NDE1: variants seen among roughly 807,000 people sequenced by gnomAD.
NDE1 encodes the protein nudE neurodevelopment protein 1.
Under a neutral mutation model 43.4 loss-of-function variants are expected in NDE1, and 28 were observed. The observed-to-expected ratio is 0.65, with a 90% confidence interval of 0.48 to 0.89. The LOEUF (loss-of-function observed/expected upper bound fraction) is 0.89, where lower values mean the gene tolerates loss of function less well. Ranked by LOEUF, NDE1 falls within the 40% of genes least tolerant of loss-of-function variation. The probability of loss-of-function intolerance (pLI) is 0.00; values close to 1 mark genes in which losing one functional copy is unlikely to be tolerated. For synonymous variants in NDE1, 184 were observed against 172.0 expected (o/e 1.07, Z -0.55); for missense variants, 441 against 434.1 (o/e 1.02, Z -0.14).
In NDE1 at chr16:15,726,018, A is replaced by G; in HGVS notation, c.*1767A>G. The G allele has an allele frequency of 3.8e-6, 1 of 260,298 alleles. No individual in the cohort carries two copies. The highest frequency in any genetic ancestry group is 7.2e-6 in the Non-Finnish European group (1 of 138,926). 16.1% of individuals were successfully genotyped at this position (260,298 alleles called of 1,614,324 possible). A position where few individuals can be genotyped will look rare whatever the true frequency, so the allele number is the denominator to read the frequency against. On this transcript the variant is annotated 3_prime_UTR_variant, in exon 9 of 9. Transcript: ENST00000396354. The stretch of plus-strand genomic sequence containing the variant: ...CTACTGGCTGTATGTCTCTCTCCTA[A>G]TTTTTCTACTTACCACAGGGCCTTT...
intron 8 of NDE1, among the ~76,000 whole-genome samples, chr16:15,698,187 G>A (rs1182586024): frequency 6.6e-6 from 1 of 151,966 alleles, no homozygotes; most frequent in Non-Finnish European, 1.5e-5. Flanking sequence ...CCAGCCACCC[G>A]ATGGGACAGT....
In NDE1 at chr16:15,725,157, A is replaced by G. The variant is rs2040691952; in HGVS notation, c.*906A>G. ...GATAAAAAAAAAAAAAAACACACACACACACAAAAAAAACAGAATCTGTGG... is the reference window on the plus strand; with the variant it reads ...GATAAAAAAAAAAAAAAACACACACGCACACAAAAAAAACAGAATCTGTGG... On this transcript the variant is annotated 3_prime_UTR_variant, in exon 9 of 9. Transcript: ENST00000396354. 1 of 650,242 alleles carries G rather than the reference A, an allele frequency of 1.5e-6. No homozygotes were observed. Among genetic ancestry groups the G allele is most frequent in the Non-Finnish European group, 2.7e-6 (1 of 371,286 alleles). 40.3% of individuals were successfully genotyped at this position (650,242 alleles called of 1,614,324 possible).
intron 3 of NDE1, among the ~76,000 whole-genome samples, chr16:15,671,306 C>G (rs1190389590): frequency 6.6e-6 from 1 of 151,982 alleles, no homozygotes; most frequent in Non-Finnish European, 1.5e-5. Flanking sequence ...GAGTTCAAGG[C>G]CAGCCTGGGC....
intron 3 of NDE1, among the ~76,000 whole-genome samples, chr16:15,672,206 G>A (rs1329168211): frequency 1.3e-5 from 2 of 151,984 alleles, no homozygotes; most frequent in Admixed American, 6.6e-5. Context: ...AGACCGAGGC[G>A]GGCGGATCAT....
rs138543179 is a variant in NDE1, at chr16:15,724,618, T to C, written c.*367T>C. On this transcript the variant is annotated 3_prime_UTR_variant, in exon 9 of 9. Transcript: ENST00000396354. ...AGCGCAGAGAAGTTGAGAGGACCCA[T>C]GAAGGAAGCAAGGACACGGGGCAGG... The C allele has an allele frequency of 5.0e-4, 812 of 1,613,300 alleles. 5 individuals are homozygous for C. In the African/African-American group the frequency reaches 9.4e-3, roughly 19 times the overall value.
intron 8 of NDE1, chr16:15,703,291 G>C: frequency 4.4e-6 from 1 of 227,002 alleles, no homozygotes. Flanking sequence ...CTGAGGTGTG[G>C]AAACCAGGAG....
chr16:15,704,793 C>G (rs1238148961), intron 8 of NDE1, among the ~76,000 whole-genome samples: 1 of 152,208 alleles, frequency 6.6e-6, no homozygotes, highest in African/African-American at 2.4e-5. Flanking sequence ...TGGCGTAAAA[C>G]AGGTGCCCAG....
chr16:15,699,915 G>T, intron 8 of NDE1: 1 of 1,253,166 alleles, frequency 8.0e-7, no homozygotes, highest in Non-Finnish European at 1.0e-6. Flanking sequence ...AAGTTAGTTT[G>T]AGAAATAAGA....
intron 8 of NDE1, among the ~76,000 whole-genome samples, chr16:15,723,662 A>G (rs905585363): frequency 2.0e-5 from 3 of 152,266 alleles, no homozygotes; most frequent in Admixed American, 2.0e-4. Context: ...AGTATCTGAT[A>G]AAGTTCATAT....
In NDE1 at chr16:15,714,890, C is replaced by T. The variant is rs759479052; in HGVS notation, c.948-9301C>T. ...TCTGGCCTGAGAGACGGGGTCCTCCCGGGCCACGGGCTCCTCACCTGAGCT... is the reference window on the plus strand; with the variant it reads ...TCTGGCCTGAGAGACGGGGTCCTCCTGGGCCACGGGCTCCTCACCTGAGCT... On this transcript the variant is annotated intron_variant, in intron 8 of 8. Coordinates refer to ENST00000396354, the MANE Select transcript of NDE1 (RefSeq NM_017668.3). 24 of 1,612,636 alleles carry T rather than the reference C, an allele frequency of 1.5e-5. No homozygotes were observed. The highest frequency in any genetic ancestry group is 4.4e-5 in the South Asian group (4 of 91,046).
chr16:15,707,243 G>T (rs1279515453), intron 8 of NDE1, among the ~76,000 whole-genome samples: 1 of 152,164 alleles, frequency 6.6e-6, no homozygotes, highest in African/African-American at 2.4e-5. Flanking sequence ...TACCATGTTG[G>T]CCAGGCTGGT....
intron 8 of NDE1, chr16:15,721,723 C>CTGAA (rs2151211489): frequency 7.2e-7 from 1 of 1,381,286 alleles, no homozygotes; most frequent in East Asian, 2.3e-5. Context: ...CTGTGTCCTG[C>CTGAA]TGAATGTATT....
chr16:15,715,118 C>T (rs201285650), intron 8 of NDE1: 7 of 1,519,618 alleles, frequency 4.6e-6, no homozygotes, highest in East Asian at 2.4e-5. Flanking sequence ...TAGGGGAGGC[C>T]GGCTGGGGGC....
At chr16:15,723,067 C>A (rs147679982) in intron 8 of NDE1, among the ~76,000 whole-genome samples, 2 of 152,044 alleles carry the variant, frequency 1.3e-5, no homozygotes, top group African/African-American at 2.4e-5. Context: ...TTTAGAATAA[C>A]CCTGAGTCAC....
chr16:15,646,821 C>T (rs1051002847), upstream of NDE1, among the ~76,000 whole-genome samples: 16 of 151,894 alleles, frequency 1.1e-4, no homozygotes, highest in Non-Finnish European at 2.1e-4. Context: ...GAGGCTGAGG[C>T]GGGTGGAGCA....
intron 4 of NDE1, chr16:15,686,598 A>G (rs1013840753): frequency 2.1e-6 from 2 of 960,440 alleles, no homozygotes; most frequent in African/African-American, 1.8e-5. Context: ...GGATCTCTTG[A>G]GCCCAAGAGT....
chr16:15,694,575 T>C, intron 7 of NDE1: 1 of 948,532 alleles, frequency 1.1e-6, no homozygotes, highest in Non-Finnish European at 1.3e-6. Flanking sequence ...CTTAAACTCC[T>C]GGCCTCAAGT....
intron 1 of NDE1, among the ~76,000 whole-genome samples, chr16:15,662,091 A>G (rs2037074713): frequency 6.6e-6 from 1 of 151,446 alleles, no homozygotes; most frequent in African/African-American, 2.4e-5. Flanking sequence ...GTTGCACCAC[A>G]CCAGTCTAAT....
intron 3 of NDE1, among the ~76,000 whole-genome samples, chr16:15,676,040 CAG>C (rs1188555494): frequency 6.6e-6 from 1 of 152,018 alleles, no homozygotes; most frequent in Non-Finnish European, 1.5e-5. Context: ...CAGCTGGCAA[CAG>C]GGAATCATTG....
Sources: allele counts gnomAD v4.1 joint callset (sites outside exome capture counted in the v4.1 genomes callset), GRCh38; gene constraint gnomAD v4.1.1; transcripts MANE v1.5; gene names NCBI Gene and HGNC (gene_info 2026-07-23, HGNC 2026-07-21).